SLC7A14: variants seen among roughly 807,000 people sequenced by gnomAD.
SLC7A14 encodes the protein gamma-aminobutyric acid transporter SLC7A14.
In SLC7A14, 37 loss-of-function variants were observed where a neutral mutation model predicts 60.2. That is an observed-to-expected ratio of 0.61 (90% CI 0.47 to 0.81). The LOEUF (loss-of-function observed/expected upper bound fraction) is 0.81, where lower values mean the gene tolerates loss of function less well. SLC7A14 is among the 30% of genes least tolerant of loss of function. The pLI is 0.00. For synonymous variants in SLC7A14, 399 were observed against 395.8 expected (o/e 1.01, Z -0.10); for missense variants, 886 against 982.7 (o/e 0.90, Z 1.32).
chr3:170,525,922 T>C (rs938465938), intron 2 of SLC7A14, among the ~76,000 whole-genome samples: 32 of 151,954 alleles, frequency 2.1e-4, no homozygotes, highest in Non-Finnish European at 1.9e-4. Flanking sequence ...AGTACAAAAA[T>C]TAGCCAGGCG....
chr3:170,553,572 GAC>G (rs1714408015), intron 1 of SLC7A14, among the ~76,000 whole-genome samples: 1 of 152,184 alleles, frequency 6.6e-6, no homozygotes, highest in Admixed American at 6.5e-5. Context: ...AAAGGAAAGA[GAC>G]AGTTTAAAAC....
intron 1 of SLC7A14, among the ~76,000 whole-genome samples, chr3:170,573,375 G>A (rs954650922): frequency 1.3e-5 from 2 of 152,182 alleles, no homozygotes; most frequent in African/African-American, 4.8e-5. Context: ...CTCACCATCT[G>A]TACAGTTCAT....
chr3:170,492,549 G>A (rs1712256196), intron 4 of SLC7A14, among the ~76,000 whole-genome samples: 1 of 152,138 alleles, frequency 6.6e-6, no homozygotes, highest in South Asian at 2.1e-4. Context: ...AGCTGAGATT[G>A]TTGTTTGAAG....
At chr3:170,544,438 C>T (rs562285495) in intron 1 of SLC7A14, among the ~76,000 whole-genome samples, 6 of 152,280 alleles carry the variant, frequency 3.9e-5, no homozygotes, top group African/African-American at 1.2e-4. Flanking sequence ...AATTATAGTG[C>T]TTAAACAAGC....
chr3:170,487,785 G>C (rs1712082054), intron 4 of SLC7A14, among the ~76,000 whole-genome samples: 1 of 152,150 alleles, frequency 6.6e-6, no homozygotes, highest in Admixed American at 6.5e-5. Flanking sequence ...GGAATTCAGG[G>C]CATCTAAAAA....
intron 1 of SLC7A14, among the ~76,000 whole-genome samples, chr3:170,564,338 C>T (rs1201590070): frequency 6.6e-6 from 1 of 152,188 alleles, no homozygotes; most frequent in Admixed American, 6.5e-5. Context: ...GTCCCTTGCT[C>T]GCTGAGGAGG....
At chr3:170,482,930 G>A (rs1026978905) in intron 6 of SLC7A14, among the ~76,000 whole-genome samples, 3 of 151,800 alleles carry the variant, frequency 2.0e-5, no homozygotes, top group Non-Finnish European at 4.4e-5. Context: ...TTTCAGAGGG[G>A]CTGTGGAGAG....
chr3:170,480,845 G>T lies in SLC7A14; in HGVS notation c.1437C>A (p.Asn479Lys). ...ATGGTAAGTTCTTGGCCCCACATGT[G>T]TTGGTGGCTGGGCCAGAAAACTCAT... Reference protein sequence around the residue: ...EGDEFSGPATNTCGAKNLPSL... With the variant: ...EGDEFSGPATKTCGAKNLPSL... Residue 479 changes from asparagine (N) to lysine (K), a missense_variant, in exon 7 of 8, where the codon AAC (asparagine) becomes AAA (lysine). By Grantham distance (94) the Asn-to-Lys change is moderately conservative. Coordinates refer to ENST00000231706, the MANE Select transcript of SLC7A14 (RefSeq NM_020949.3). The T allele has an allele frequency of 4.3e-6, 7 of 1,614,104 alleles. No homozygotes were observed. The highest frequency in any genetic ancestry group is 5.1e-6 in the Non-Finnish European group (6 of 1,180,022).
Position 170,505,101 on chromosome 3 carries a change from AT to A in SLC7A14, c.305-3757del, listed in dbSNP as rs200936114. ...TCCATTTTACATATACACACAAAGC[AT>A]TTTTTTTTTTGCATGGCTTTTTAGA... is the stretch of plus-strand genomic sequence containing the variant. On this transcript the variant is annotated intron_variant, in intron 2 of 7. Transcript: ENST00000231706. Among the ~76,000 whole-genome samples the A allele has an allele frequency of 4.2e-3, 615 of 146,526 alleles. 7 individuals are homozygous for A. The highest frequency in any genetic ancestry group is 0.013 in the African/African-American group (510 of 40,210).
intron 2 of SLC7A14, among the ~76,000 whole-genome samples, chr3:170,515,633 G>C (rs1010312378): frequency 9.9e-5 from 15 of 151,950 alleles, no homozygotes; most frequent in African/African-American, 3.6e-4. Context: ...TTGGGGTGGG[G>C]GGGGAGTTGA....
chr3:170,571,460 T>G (rs910773645), intron 1 of SLC7A14, among the ~76,000 whole-genome samples: 5 of 152,208 alleles, frequency 3.3e-5, no homozygotes, highest in Admixed American at 6.5e-5. Context: ...TTTTGTTTCC[T>G]TGACAGTTAC....
intron 7 of SLC7A14, among the ~76,000 whole-genome samples, chr3:170,473,137 G>C (rs997781727): frequency 6.6e-6 from 1 of 152,102 alleles, no homozygotes; most frequent in Non-Finnish European, 1.5e-5. Context: ...CTAAGCTTGC[G>C]TTCATATACT....
intron 1 of SLC7A14, among the ~76,000 whole-genome samples, chr3:170,545,149 C>A (rs1714139246): frequency 6.6e-6 from 1 of 152,178 alleles, no homozygotes; most frequent in Non-Finnish European, 1.5e-5. Context: ...AGAAACAACA[C>A]CAGAAAGGTG....
In SLC7A14 at chr3:170,567,753, T is replaced by C. The variant is rs534026177; in HGVS notation, c.-153+18158A>G. On this transcript the variant is annotated intron_variant, in intron 1 of 7. Coordinates refer to ENST00000231706, the MANE Select transcript of SLC7A14 (RefSeq NM_020949.3). ...GTGGTTTTGATTTGCATTTCTCTGA[T>C]AGCCAGTGATGGTGAGCGTTTTTTC... 1.1e-3 allele frequency among the ~76,000 whole-genome samples: 165 copies of C among 152,264 alleles called. 1 individual carries two copies. The highest frequency in any genetic ancestry group is 9.8e-4 in the Non-Finnish European group (67 of 68,024).
rs148267842 is a variant in SLC7A14, at chr3:170,523,402, A to T, written c.304+3231T>A. ...TTTATTGCAATGATATCTTGACCTG[A>T]TTGACAATTCCAATTTCTACCGATT... On this transcript the variant is annotated intron_variant, in intron 2 of 7. Transcript: ENST00000231706. Among the ~76,000 whole-genome samples, 1,493 of 152,210 alleles carry T rather than the reference A, an allele frequency of 9.8e-3. 17 individuals are homozygous for T. Among genetic ancestry groups the T allele is most frequent in the Non-Finnish European group, 0.017 (1,146 of 68,016 alleles).
chr3:170,518,247 G>A (rs1713233643), intron 2 of SLC7A14, among the ~76,000 whole-genome samples: 1 of 152,112 alleles, frequency 6.6e-6, no homozygotes, highest in Admixed American at 6.6e-5. Flanking sequence ...GACCCCTCGT[G>A]GTGTTCTGTG....
At chr3:170,505,323 A>G (rs1251150463) in intron 2 of SLC7A14, among the ~76,000 whole-genome samples, 1 of 152,206 alleles carries the variant, frequency 6.6e-6, no homozygotes, top group South Asian at 2.1e-4. Flanking sequence ...TGGTTCTACA[A>G]ATGACTGCAA....
At chr3:170,584,245 A>T (rs1715313847) in intron 1 of SLC7A14, among the ~76,000 whole-genome samples, 1 of 152,196 alleles carries the variant, frequency 6.6e-6, no homozygotes, top group Admixed American at 6.5e-5. Flanking sequence ...CTGCTTAGCG[A>T]TCTTTATCTA....
chr3:170,515,329 AATAT>A (rs202179221), intron 2 of SLC7A14, among the ~76,000 whole-genome samples: 1 of 144,024 alleles, frequency 6.9e-6, no homozygotes, highest in African/African-American at 2.8e-5. Flanking sequence ...CCAAAAAAAA[AATAT>A]ATATATATGT....
Sources: allele counts gnomAD v4.1 joint callset (sites outside exome capture counted in the v4.1 genomes callset), GRCh38; gene constraint gnomAD v4.1.1; transcripts MANE v1.5; gene names NCBI Gene and HGNC (gene_info 2026-07-23, HGNC 2026-07-21).